GGA1: variants seen among roughly 807,000 people sequenced by gnomAD.
GGA1 encodes ADP-ribosylation factor-binding protein GGA1.
In GGA1, 18 loss-of-function variants were observed where a neutral mutation model predicts 76.9. The observed-to-expected ratio is 0.23, with a 90% CI of 0.16 to 0.35. GGA1 has a LOEUF of 0.35. Ranked by LOEUF, GGA1 falls within the 10% of genes least tolerant of loss-of-function variation. The pLI is 1.00. For missense variants in GGA1, 755 were observed against 859.0 expected (o/e 0.88, Z 1.51); for synonymous variants, 342 against 354.7 (o/e 0.96, Z 0.40).
At chr22:37,616,172 G>GC (rs1168167540) in intron 2 of GGA1, among the ~76,000 whole-genome samples, 1 of 152,146 alleles carries the variant, frequency 6.6e-6, no homozygotes, top group South Asian at 2.1e-4. Flanking sequence ...GGCTCCCCAG[G>GC]CGATACTAAA....
chr22:37,623,236 C>T lies in GGA1; in HGVS notation c.610-91C>T. 7.9e-7 allele frequency: 1 copy of T among 1,260,920 alleles called. No homozygotes were observed. The highest frequency in any genetic ancestry group is 1.2e-5 in the South Asian group (1 of 81,236). 78.1% of individuals were successfully genotyped at this position (1,260,920 alleles called of 1,614,324 possible). ...TCCCACAGTCACCCAGCTGTCAACC[C>T]AGATCCCAGCACACATTCTCTCAAG... is the stretch of plus-strand genomic sequence containing the variant. On this transcript the variant is annotated intron_variant, in intron 7 of 16. Coordinates refer to ENST00000343632, the MANE Select transcript of GGA1 (RefSeq NM_013365.5). This position sits in a 1 kb window ranked among gnomAD's most constrained non-coding sequence, Gnocchi z 4.6.
chr22:37,617,044 C>G, intron 3 of GGA1, 47 bp downstream of exon 3: 1 of 1,561,906 alleles, frequency 6.4e-7, no homozygotes, highest in Non-Finnish European at 8.7e-7. Context: ...TGTGACGACA[C>G]CAAGGGAGGC....
At chr22:37,619,774 A>G in intron 4 of GGA1, 1 of 778,094 alleles carries the variant, frequency 1.3e-6, no homozygotes. Flanking sequence ...AATAATCCAT[A>G]TGGCCTCCCA....
chr22:37,617,613 T>C, intron 3 of GGA1: 1 of 850,682 alleles, frequency 1.2e-6, no homozygotes, highest in African/African-American at 1.8e-5. Context: ...GCAGGAGGCT[T>C]GCTTGAGGCA....
At chr22:37,629,346 C>A in intron 11 of GGA1, 116 bp from the exon 12 acceptor site, 1 of 693,612 alleles carries the variant, frequency 1.4e-6, no homozygotes, top group South Asian at 1.8e-5. Flanking sequence ...TTCTCCCCTC[C>A]GTGCTGAGCC....
chr22:37,628,126 C>T (rs1931172623), intron 11 of GGA1, among the ~76,000 whole-genome samples: 1 of 152,224 alleles, frequency 6.6e-6, no homozygotes, highest in Non-Finnish European at 1.5e-5. Context: ...CTGCGCCCAC[C>T]TCTTTTTGGT....
intron 11 of GGA1, chr22:37,627,223 G>C (rs1001915885): frequency 1.3e-5 from 2 of 152,258 alleles, no homozygotes; most frequent in African/African-American, 4.8e-5. Flanking sequence ...AAGGGCTCTA[G>C]GACTTGAGCT....
At position 37,623,191 on chromosome 22, in the gene GGA1, G is replaced by C; in HGVS notation, c.610-136G>C. 1.2e-6 allele frequency: 1 copy of C among 850,708 alleles called. No individual in the cohort carries two copies. The highest frequency in any genetic ancestry group is 1.9e-6 in the Non-Finnish European group (1 of 515,464). 52.7% of individuals were successfully genotyped at this position (850,708 alleles called of 1,614,324 possible). A position where few individuals can be genotyped will look rare whatever the true frequency, so the allele number is the denominator to read the frequency against. ...GAGGGGCTCCTGGCAGGGCCTGCTG[G>C]AGCCCCACCCAGAGTGTGATCCCAC... On this transcript the variant is annotated intron_variant, in intron 7 of 16. Transcript: ENST00000343632. This position sits in a 1 kb window ranked among gnomAD's most constrained non-coding sequence, Gnocchi z 4.6.
chr22:37,608,849 G>A lies in GGA1; in HGVS notation c.-12G>A. ...GCGGGGGGGCGGTGCCGAGGCTGGG[G>A]GCCGGTGGCGGATGGAGCCCGCGAT... On this transcript the variant is annotated 5_prime_UTR_variant, in exon 1 of 17. Coordinates refer to ENST00000343632, the MANE Select transcript of GGA1 (RefSeq NM_013365.5). 1.5e-6 allele frequency: 2 copies of A among 1,308,866 alleles called. No individual in the cohort carries two copies. The highest frequency in any genetic ancestry group is 1.9e-6 in the Non-Finnish European group (2 of 1,030,552). The allele number at this position is 1,308,866 out of a possible 1,614,324, so 81.1% of individuals were successfully genotyped here.
At chr22:37,615,867 G>T (rs1464331993) in intron 2 of GGA1, among the ~76,000 whole-genome samples, 1 of 151,360 alleles carries the variant, frequency 6.6e-6, no homozygotes, top group Non-Finnish European at 1.5e-5. Context: ...TTGAGATGGA[G>T]TCTCGCTCTG....
intron 1 of GGA1, chr22:37,610,205 C>T (rs1416637343): frequency 1.3e-5 from 2 of 152,200 alleles, no homozygotes; most frequent in South Asian, 2.1e-4. Flanking sequence ...TAAAACCAGG[C>T]AGAAGTTAGA....
chr22:37,609,247 C>T, intron 1 of GGA1: 1 of 1,177,536 alleles, frequency 8.5e-7, no homozygotes. Flanking sequence ...GGGGAAGGAG[C>T]ACGCGAGCGG....
chr22:37,629,576 G>C, intron 12 of GGA1, 50 bp downstream of exon 12: 1 of 1,188,694 alleles, frequency 8.4e-7, no homozygotes, highest in Non-Finnish European at 1.2e-6. Context: ...CCAGGGTCAG[G>C]GCAGCTGGGA....
intron 1 of GGA1, chr22:37,613,926 G>T: frequency 2.2e-6 from 1 of 458,754 alleles, no homozygotes; most frequent in Non-Finnish European, 4.1e-6. Context: ...TCCAGCTGCA[G>T]GGGTGGGAGG....
At position 37,625,213 on chromosome 22, in the gene GGA1, C is replaced by T; in HGVS notation, c.940+137C>T. 2 of 749,692 alleles carry T rather than the reference C, an allele frequency of 2.7e-6. No individual in the cohort carries two copies. The highest frequency in any genetic ancestry group is 2.8e-5 in the East Asian group (1 of 36,342). The allele number at this position is 749,692 out of a possible 1,614,324, so 46.4% of individuals were successfully genotyped here. A position where few individuals can be genotyped will look rare whatever the true frequency, so the allele number is the denominator to read the frequency against. Reference sequence around the variant, plus strand: ...TGGCCCCTTAAGATGGGGAAGGCCCCAGGGAGGGAGCTGGGGGTGAAGTCT... The same window carrying T: ...TGGCCCCTTAAGATGGGGAAGGCCCTAGGGAGGGAGCTGGGGGTGAAGTCT... On this transcript the variant is annotated intron_variant, in intron 10 of 16. Transcript: ENST00000343632. The surrounding 1 kb of genome is among the most constrained non-coding windows in gnomAD (Gnocchi z 4.1).
chr22:37,613,778 C>T (rs954903282), intron 1 of GGA1, among the ~76,000 whole-genome samples: 4 of 152,136 alleles, frequency 2.6e-5, no homozygotes, highest in Non-Finnish European at 5.9e-5. Flanking sequence ...GCCCACTTCC[C>T]GGCTACACAG....
At chr22:37,612,922 C>T in intron 1 of GGA1, 5 of 985,080 alleles carry the variant, frequency 5.1e-6, no homozygotes, top group African/African-American at 1.7e-5. Context: ...TCATGTAGAC[C>T]TGTTGGCCCT....
chr22:37,624,931 G>A lies in GGA1; in HGVS notation c.833-38G>A. The A allele has an allele frequency of 6.5e-7, 1 of 1,549,630 alleles. No homozygotes were observed. The highest frequency in any genetic ancestry group is 8.7e-7 in the Non-Finnish European group (1 of 1,145,722). ...CCCCTGCCGCCCAGAGGCCCCCACA[G>A]TCCTTCAGCCTGGCCTCTCCCCTCC... On this transcript the variant is annotated intron_variant, in intron 9 of 16. Transcript: ENST00000343632. This position sits in a 1 kb window ranked among gnomAD's most constrained non-coding sequence, Gnocchi z 4.3.
intron 4 of GGA1, chr22:37,619,901 A>G (rs1214503747): frequency 1.4e-6 from 1 of 725,514 alleles, no homozygotes; most frequent in African/African-American, 1.7e-5. Context: ...CTCCCTGGGC[A>G]GCCTGGAGAC....
Sources: allele counts gnomAD v4.1 joint callset (sites outside exome capture counted in the v4.1 genomes callset), GRCh38; gene constraint gnomAD v4.1.1; non-coding constraint Gnocchi (gnomAD v3.1); transcripts MANE v1.5; gene names NCBI Gene and HGNC (gene_info 2026-07-23, HGNC 2026-07-21).